The following REDIC1 variants were observed in gnomAD, a reference collection of about 807,000 sequenced individuals.
REDIC1 encodes regulator of DNA class I crossover intermediates 1, also known as HEI10 Interacting Protein 1.
the REDIC1 span, among the ~76,000 whole-genome samples, chr12:39,848,417 G>GA: frequency 2.6e-5 from 4 of 152,050 alleles, no homozygotes; most frequent in African/African-American, 9.7e-5. Flanking sequence ...AGGAGCATAT[G>GA]AAAAAAATTC....
the REDIC1 span, among the ~76,000 whole-genome samples, chr12:39,733,441 A>G: frequency 2.0e-5 from 3 of 149,694 alleles, no homozygotes; most frequent in Admixed American, 6.6e-5. Flanking sequence ...GATATCTTCA[A>G]CGTTTGTTTT....
the REDIC1 span, among the ~76,000 whole-genome samples, chr12:39,703,277 T>C: frequency 6.7e-6 from 1 of 150,270 alleles, no homozygotes; most frequent in Admixed American, 6.6e-5. Flanking sequence ...ACAAGCATTC[T>C]TATACACCAA....
chr12:39,870,188 A>ATAAT, the REDIC1 span, among the ~76,000 whole-genome samples: 2 of 152,212 alleles, frequency 1.3e-5, no homozygotes, highest in Non-Finnish European at 2.9e-5. Context: ...GAAGCAATTA[A>ATAAT]GTTCTATTTA....
the REDIC1 span, among the ~76,000 whole-genome samples, chr12:39,861,139 C>T: frequency 4.0e-3 from 602 of 152,304 alleles, 5 homozygotes; most frequent in African/African-American, 0.014. Flanking sequence ...ACATACTCCA[C>T]TCTTCTTTTA....
the REDIC1 span, among the ~76,000 whole-genome samples, chr12:39,809,126 G>A: frequency 6.6e-6 from 1 of 152,042 alleles, no homozygotes; most frequent in South Asian, 2.1e-4. Flanking sequence ...ACCTTCACCC[G>A]CAATGTAGAT....
the REDIC1 span, among the ~76,000 whole-genome samples, chr12:39,879,678 T>C: frequency 1.3e-5 from 2 of 152,198 alleles, no homozygotes; most frequent in Admixed American, 1.3e-4. Context: ...ATCTTGGAAG[T>C]AACTAACTTG....
chr12:39,635,031 CAT>C, the REDIC1 span, among the ~76,000 whole-genome samples: 1 of 152,058 alleles, frequency 6.6e-6, no homozygotes, highest in Non-Finnish European at 1.5e-5. Flanking sequence ...ACACAACAGA[CAT>C]ATGCAAAAAT....
the REDIC1 span, among the ~76,000 whole-genome samples, chr12:39,780,778 C>A: frequency 6.6e-6 from 1 of 152,024 alleles, no homozygotes; most frequent in Non-Finnish European, 1.5e-5. Context: ...AATACATACA[C>A]GAAAACATGG....
At chr12:39,812,996 ATTTTTTTTTTTT>A in the REDIC1 span, among the ~76,000 whole-genome samples, 1,027 of 40,630 alleles carry the variant, frequency 0.025, 35 homozygotes, top group African/African-American at 0.086. Context: ...TGCCCAGCTA[ATTTTTTTTTTTT>A]TTTTTTTTTT....
the REDIC1 span, among the ~76,000 whole-genome samples, chr12:39,680,572 C>G: frequency 6.6e-6 from 1 of 152,110 alleles, no homozygotes; most frequent in African/African-American, 2.4e-5. Flanking sequence ...AGTATGGAGA[C>G]TCCTTAAAGA....
the REDIC1 span, among the ~76,000 whole-genome samples, chr12:39,750,435 T>C: frequency 1.3e-5 from 2 of 152,150 alleles, no homozygotes; most frequent in East Asian, 3.9e-4. Context: ...TGGAAAAACA[T>C]TCCATGCTCA....
At chr12:39,899,459 GT>G in the REDIC1 span, among the ~76,000 whole-genome samples, 2 of 152,050 alleles carry the variant, frequency 1.3e-5, no homozygotes, top group African/African-American at 4.8e-5. Flanking sequence ...TTTTTAAAGG[GT>G]TTTTTGTGTC....
At chr12:39,905,313 G>A in the REDIC1 span, among the ~76,000 whole-genome samples, 1 of 152,094 alleles carries the variant, frequency 6.6e-6, no homozygotes, top group African/African-American at 2.4e-5. Flanking sequence ...GATCCCAGAT[G>A]TAATCTGCTC....
At chr12:39,902,972 CAT>C in the REDIC1 span, among the ~76,000 whole-genome samples, 4 of 152,032 alleles carry the variant, frequency 2.6e-5, no homozygotes, top group Non-Finnish European at 5.9e-5. Flanking sequence ...AATGTTTGTT[CAT>C]AAAAAGCTAA....
the REDIC1 span, among the ~76,000 whole-genome samples, chr12:39,752,845 T>C: frequency 1.3e-5 from 2 of 150,298 alleles, no homozygotes; most frequent in African/African-American, 5.1e-5. Flanking sequence ...TAAAAGAACA[T>C]GTCAGATTCC....
At chr12:39,833,372 C>T in the REDIC1 span, among the ~76,000 whole-genome samples, 2,562 of 152,104 alleles carry the variant, frequency 0.017, 74 homozygotes, top group African/African-American at 0.056. Context: ...AACTTCCTTA[C>T]TCCAAGAACA....
the REDIC1 span, among the ~76,000 whole-genome samples, chr12:39,895,515 TATATATATATATATA>T: frequency 2.9e-3 from 2 of 696 alleles, no homozygotes; most frequent in Non-Finnish European, 4.4e-3. Context: ...AAAAAAAAAT[TATATATATATATATA>T]TATATATATA....
chr12:39,855,388 A>C, the REDIC1 span, among the ~76,000 whole-genome samples: 1 of 152,216 alleles, frequency 6.6e-6, no homozygotes, highest in African/African-American at 2.4e-5. Flanking sequence ...AGAACACTAT[A>C]AAAGGATCCA....
At chr12:39,634,280 T>C in the REDIC1 span, among the ~76,000 whole-genome samples, 5 of 152,202 alleles carry the variant, frequency 3.3e-5, no homozygotes, top group Admixed American at 3.3e-4. Flanking sequence ...CACATTGATT[T>C]TGTATCCTGA....
Sources: gnomAD v4.1 joint callset for allele counts (sites outside exome capture counted in the v4.1 genomes callset) on GRCh38, gnomAD v4.1.1 for gene constraint, MANE v1.5 for transcripts, NCBI Gene and HGNC (gene_info 2026-07-23, HGNC 2026-07-21) for gene names.